Variants in PSAT1 observed in about 807,000 individuals in gnomAD.
PSAT1 encodes the protein phosphoserine aminotransferase 1, also known as phosphoserine aminotransferase.
PSAT1 carries 41 observed loss-of-function variants against 40.3 expected under a neutral mutation model. The ratio of observed to expected loss-of-function variants is 1.02; its 90% CI spans 0.79 to 1.32. The LOEUF (loss-of-function observed/expected upper bound fraction) is 1.32. Among genes scored for constraint, PSAT1 ranks in the 40% most tolerant of loss-of-function variants. The pLI, the probability that PSAT1 is intolerant of heterozygous loss-of-function variation, is 0.00. For missense variants in PSAT1, 406 were observed against 455.8 expected, an observed-to-expected ratio of 0.89 and a Z score of 0.99; for synonymous variants, 147 against 170.5, an observed-to-expected ratio of 0.86 and a Z score of 1.07.
At chr9:78,304,089 C>G (rs1828146204) in intron 3 of PSAT1, among the ~76,000 whole-genome samples, 1 of 152,172 alleles carries the variant, frequency 6.6e-6, no homozygotes. Context: ...TTGCATAACA[C>G]AGGATTATTG....
At chr9:78,325,738 C>G (rs1439528519) in intron 7 of PSAT1, among the ~76,000 whole-genome samples, 1 of 152,166 alleles carries the variant, frequency 6.6e-6, no homozygotes, top group African/African-American at 2.4e-5. Flanking sequence ...TTTTCTCCCC[C>G]CAGCCCCATA....
At chr9:78,297,416 C>A in intron 1 of PSAT1, 146 bp downstream of exon 1, 2 of 998,988 alleles carry the variant, frequency 2.0e-6, no homozygotes, top group East Asian at 2.6e-5. Context: ...ACAGCGGGAT[C>A]AGCAGCTCCG....
chr9:78,304,876 C>A lies in PSAT1; in HGVS notation c.333C>A (p.Ala111=). 1 of 1,613,924 alleles carries A rather than the reference C, an allele frequency of 6.2e-7. No individual in the cohort carries two copies. Among genetic ancestry groups the A allele is most frequent in the Non-Finnish European group, 8.5e-7 (1 of 1,180,034 alleles). ...TGACAGGAGCTTGGTCAGCTAAGGC[C>A]GCAGAAGAAGCCAAGAAGTTTGGGA... ...YVVTGAWSAK[A]AEEAKKFGTI... Residue 111 remains alanine (A), a synonymous_variant, in exon 4 of 9, where the codon GCC becomes GCA. Transcript: ENST00000376588.
intron 7 of PSAT1, among the ~76,000 whole-genome samples, chr9:78,324,653 T>G (rs1828472414): frequency 1.3e-5 from 2 of 152,140 alleles, no homozygotes; most frequent in South Asian, 4.1e-4. Flanking sequence ...AATATTGGGC[T>G]CTTGGAAGAT....
chr9:78,328,966 C>G lies in PSAT1; in HGVS notation c.1008-15C>G. 1 of 1,601,280 alleles carries G rather than the reference C, an allele frequency of 6.2e-7. No individual in the cohort carries two copies. Among genetic ancestry groups the G allele is most frequent in the Non-Finnish European group, 8.6e-7 (1 of 1,168,374 alleles). On this transcript the variant is annotated splice_polypyrimidine_tract_variant and intron_variant, in intron 8 of 8. Transcript: ENST00000376588. ...ACGTTTTTGTTCTCAATGCCTGGAT[C>G]TTTGGTCATTCTAGGTCTGTGGGAG...
intron 1 of PSAT1, among the ~76,000 whole-genome samples, chr9:78,299,912 TA>T (rs35610246): frequency 1.3e-5 from 2 of 151,424 alleles, no homozygotes; most frequent in East Asian, 1.9e-4. Flanking sequence ...GCAAGCATCT[TA>T]AAAAAAAAGG....
At position 78,308,301 on chromosome 9, in the gene PSAT1, G is replaced by A. The variant is rs944427488; in HGVS notation, c.571-113G>A. 20 of 1,229,634 alleles carry A rather than the reference G, an allele frequency of 1.6e-5. No homozygotes were observed. The African/African-American group carries it at 2.8e-4, about 17-fold the overall frequency. 76.2% of individuals were successfully genotyped at this position (1,229,634 alleles called of 1,614,324 possible). ...TAGAGCATGAACTGCTCCCTACACA[G>A]GATAGAGTCATTTCCTTAAAAAAAT... On this transcript the variant is annotated intron_variant, in intron 5 of 8. Transcript: ENST00000376588.
intron 7 of PSAT1, among the ~76,000 whole-genome samples, chr9:78,324,625 A>C (rs1027022278): frequency 6.6e-6 from 1 of 152,198 alleles, no homozygotes; most frequent in Non-Finnish European, 1.5e-5. Context: ...ACCCATGTTT[A>C]AAAACACAAC....
chr9:78,299,786 C>T (rs1322719769), intron 1 of PSAT1, among the ~76,000 whole-genome samples: 1 of 152,138 alleles, frequency 6.6e-6, no homozygotes, highest in Non-Finnish European at 1.5e-5. Flanking sequence ...GCTGGGATTA[C>T]AGGCGTGAGC....
At chr9:78,321,148 C>T (rs900544111) in intron 7 of PSAT1, among the ~76,000 whole-genome samples, 3 of 152,184 alleles carry the variant, frequency 2.0e-5, no homozygotes, top group Non-Finnish European at 2.9e-5. Flanking sequence ...TCATCCTTCA[C>T]ACCCAGAGCT....
intron 6 of PSAT1, among the ~76,000 whole-genome samples, chr9:78,310,346 C>T (rs950060859): frequency 3.3e-5 from 5 of 152,142 alleles, no homozygotes; most frequent in Admixed American, 6.5e-5. Context: ...CATTAGTGCT[C>T]TCTCTTCACC....
chr9:78,298,525 C>G, intron 1 of PSAT1: 2 of 757,062 alleles, frequency 2.6e-6, no homozygotes, highest in African/African-American at 3.8e-5. Context: ...GGCGAGATTC[C>G]CTGCTCCAGC....
At chr9:78,306,576 G>A (rs370156857) in intron 5 of PSAT1, 90 bp downstream of exon 5, 26 of 1,523,874 alleles carry the variant, frequency 1.7e-5, no homozygotes, top group Middle Eastern at 2.0e-4. Context: ...AGAACCATGG[G>A]TGTTTGAGGC....
chr9:78,326,955 A>ATATATATATATATATATTT, intron 7 of PSAT1, among the ~76,000 whole-genome samples: 2 of 75,934 alleles, frequency 2.6e-5, no homozygotes, highest in African/African-American at 9.5e-5. Flanking sequence ...ATATATATAT[A>ATATATATATATATATATTT]TTTTTTTTTT....
intron 6 of PSAT1, among the ~76,000 whole-genome samples, chr9:78,315,231 A>G (rs571861564): frequency 5.8e-4 from 88 of 152,318 alleles, no homozygotes; most frequent in African/African-American, 2.1e-3. Context: ...GAGGGCCTGC[A>G]TACTTGTGGG....
chr9:78,311,788 C>T (rs377650104), intron 6 of PSAT1, among the ~76,000 whole-genome samples: 18 of 152,112 alleles, frequency 1.2e-4, no homozygotes, highest in African/African-American at 3.6e-4. Context: ...GCCGAAATCA[C>T]GCCAGTGCAC....
At chr9:78,315,848 G>A (rs1828335820) in intron 6 of PSAT1, among the ~76,000 whole-genome samples, 1 of 152,228 alleles carries the variant, frequency 6.6e-6, no homozygotes, top group Non-Finnish European at 1.5e-5. Context: ...ACCCCATAAT[G>A]TCCCCTCCTG....
At chr9:78,313,226 C>A (rs996038895) in intron 6 of PSAT1, among the ~76,000 whole-genome samples, 2 of 152,012 alleles carry the variant, frequency 1.3e-5, no homozygotes, top group Non-Finnish European at 2.9e-5. Context: ...ATTACCCGGG[C>A]GTAGTGGCGT....
At chr9:78,325,545 A>T (rs1828484600) in intron 7 of PSAT1, among the ~76,000 whole-genome samples, 1 of 152,178 alleles carries the variant, frequency 6.6e-6, no homozygotes, top group Non-Finnish European at 1.5e-5. Context: ...CTTTCTTCTC[A>T]TCTGTTGGAA....
Sources: allele counts gnomAD v4.1 joint callset (sites outside exome capture counted in the v4.1 genomes callset), GRCh38; gene constraint gnomAD v4.1.1; transcripts MANE v1.5; gene names NCBI Gene and HGNC (gene_info 2026-07-23, HGNC 2026-07-21).